Variants in TBC1D17 observed in about 807,000 individuals in gnomAD.
TBC1D17 encodes TBC1 domain family member 17.
Under a neutral mutation model 78.8 loss-of-function variants are expected in TBC1D17, and 69 were observed. The ratio of observed to expected loss-of-function variants is 0.88; its 90% CI spans 0.72 to 1.07. The LOEUF (loss-of-function observed/expected upper bound fraction) is 1.07. Among genes scored for constraint, TBC1D17 ranks in the 50% least tolerant of loss-of-function variants. TBC1D17 has a pLI of 0.00. For missense variants in TBC1D17, 957 were observed against 861.0 expected, an observed-to-expected ratio of 1.11 and a Z score of -1.39; for synonymous variants, 456 against 358.3, an observed-to-expected ratio of 1.27 and a Z score of -3.08.
chr19:49,882,511 G>A (rs1189981257), intron 7 of TBC1D17, 111 bp downstream of exon 7: 13 of 1,487,338 alleles, frequency 8.7e-6, no homozygotes, highest in Non-Finnish European at 1.2e-5. Context: ...ATGGTAATGG[G>A]ACACCCTCAG....
At chr19:49,880,105 G>A (rs1349432054) in intron 3 of TBC1D17, among the ~76,000 whole-genome samples, 174 bp from the exon 4 acceptor site, 5 of 152,056 alleles carry the variant, frequency 3.3e-5, no homozygotes, top group South Asian at 2.1e-4. Flanking sequence ...TGATCCGCCC[G>A]CCTCAGCCTC....
chr19:49,878,583 C>G lies in TBC1D17; in HGVS notation c.195+11C>G, dbSNP rs769432735. 3 of 1,613,656 alleles carry G rather than the reference C, an allele frequency of 1.9e-6. No individual in the cohort carries two copies. Among genetic ancestry groups the G allele is most frequent in the South Asian group, 2.2e-5 (2 of 91,082 alleles). ...CTCTTCTCCAAGAAGGTAGGCTCCA[C>G]CCGCTTTGCCCTTCTCCACTCGCTT... On this transcript the variant is annotated intron_variant, in intron 3 of 16. Transcript: ENST00000221543.
rs769090977 is a variant in TBC1D17, at chr19:49,887,566, T to C, written c.1535T>C (p.Leu512Pro). The change falls in exon 14 of 17, where the codon CTG (leucine) becomes CCG (proline). Residue 512 changes from leucine to proline, a missense_variant. Transcript: ENST00000221543. ...TTCCCCTTCCCGGATGTCCTTCGGC[T>C]GTGGGAGGTGGGCCAGCCAGTTTGG... ...REFPFPDVLR[L>P]WEVLWTGLPG... is the part of the protein sequence containing the mutation. 6.2e-7 allele frequency: 1 copy of C among 1,614,108 alleles called. No individual in the cohort carries two copies. The highest frequency in any genetic ancestry group is 8.5e-7 in the Non-Finnish European group (1 of 1,180,000).
At position 49,884,458 on chromosome 19, in the gene TBC1D17, G is replaced by C. The variant is rs375050509; in HGVS notation, c.1244-1G>C. 1 of 1,613,996 alleles carries C rather than the reference G, an allele frequency of 6.2e-7. No homozygotes were observed. The highest frequency in any genetic ancestry group is 2.2e-5 in the East Asian group (1 of 44,900). On this transcript the variant is annotated splice_acceptor_variant, in intron 11 of 16. Transcript: ENST00000221543. LOFTEE classifies it high-confidence loss of function. ...TGCAGCCTGACCCCATGTCCCCCCA[G>C]GCTACGTCCAGGGCATGAGTGATCT...
Position 49,888,562 on chromosome 19 carries a change from C to G in TBC1D17, c.1885C>G (p.Pro629Ala). The G allele has an allele frequency of 6.5e-7, 1 of 1,536,914 alleles. No individual in the cohort carries two copies. The highest frequency in any genetic ancestry group is 1.2e-5 in the South Asian group (1 of 83,994). The change falls in exon 17 of 17, where the codon CCG (proline) becomes GCG (alanine). Residue 629 changes from proline (P) to alanine (A), a missense_variant. Pro to Ala is a conservative substitution (Grantham distance 27). Coordinates refer to ENST00000221543, the MANE Select transcript of TBC1D17 (RefSeq NM_024682.3). ...CCCGCCGCCCTCCACGGACACAGCC[C>G]CGCAGCCCGACAGCAGCCTGGAGAT... Reference protein sequence around the residue: ...PTPPPSTDTAPQPDSSLEILP... With the variant: ...PTPPPSTDTAAQPDSSLEILP...
rs758221290 is a variant in TBC1D17, at chr19:49,883,690, G to C, written c.1071G>C (p.Val357=). Residue 357 remains valine, a synonymous_variant, in exon 10 of 17, where the codon GTG becomes GTC. Transcript: ENST00000221543. The part of the protein sequence containing the change: ...YFRMKLQWKS[V]SPEQERRNSL... ...GCATGAAGCTGCAGTGGAAATCTGT[G>C]AGCCCTGAGCAGGAGCGGAGAAACT... 8 of 1,613,900 alleles carry C rather than the reference G, an allele frequency of 5.0e-6. No homozygotes were observed. The Admixed American group carries it at 6.7e-5, about 13-fold the overall frequency.
rs1202108746 is a variant in TBC1D17 at position 49,884,544 on chromosome 19, C to T, written c.1329C>T (p.Gly443=). Residue 443 remains glycine, a synonymous_variant, in exon 12 of 17, where the codon GGC becomes GGT. Coordinates refer to ENST00000221543, the MANE Select transcript of TBC1D17 (RefSeq NM_024682.3). ...TGGATGCTTTCTGGTGTTTCTGTGG[C>T]TTCATGGAGCTCGTGGTGAGGCTTG... The part of the protein sequence containing the change: ...NEVDAFWCFC[G]FMELVQGNFE... 6.2e-7 allele frequency: 1 copy of T among 1,614,162 alleles called. No homozygotes were observed. Among genetic ancestry groups the T allele is most frequent in the Admixed American group, 1.7e-5 (1 of 60,026 alleles).
rs1240980929 is a variant in TBC1D17, at chr19:49,881,249, C to T, written c.320-19C>T. On this transcript the variant is annotated intron_variant, in intron 4 of 16. Transcript: ENST00000221543. ...CTGGCTTCCCACGCGCTTCCCCCAA[C>T]ACAGTGCCGTCTCCCTAGGTGCAGA... 1.2e-6 allele frequency: 2 copies of T among 1,607,414 alleles called. No homozygotes were observed. The highest frequency in any genetic ancestry group is 1.7e-6 in the Non-Finnish European group (2 of 1,176,102).
At chr19:49,878,725 C>T (rs532533292) in intron 3 of TBC1D17, 153 bp downstream of exon 3, 4 of 675,222 alleles carry the variant, frequency 5.9e-6, no homozygotes, top group African/African-American at 5.4e-5. Flanking sequence ...TCCTTTTGCT[C>T]CTCTCTGTGA....
intron 1 of TBC1D17, 174 bp from the exon 2 acceptor site, chr19:49,877,969 A>T (rs2074971979): frequency 2.8e-6 from 2 of 717,284 alleles, no homozygotes; most frequent in South Asian, 3.8e-5. Flanking sequence ...CCCCTGTGGA[A>T]CGCACGTCAG....
At position 49,884,305 on chromosome 19, in the gene TBC1D17, G is replaced by T; in HGVS notation, c.1179G>T (p.Glu393Asp). The T allele has an allele frequency of 3.7e-6, 6 of 1,614,038 alleles. No individual in the cohort carries two copies. Among genetic ancestry groups the T allele is most frequent in the Non-Finnish European group, 5.1e-6 (6 of 1,180,028 alleles). Residue 393 changes from glutamate (E) to aspartate (D), a missense_variant, in exon 11 of 17, where the codon GAG (glutamate) becomes GAT (aspartate). Transcript: ENST00000221543. ...CCAACAAGTTCTACGAGGGTCCCGA[G>T]AACCCGGGGCTGGGCCTGCTGAACG... ...DRTNKFYEGP[E>D]NPGLGLLNDI...
rs757302490 is a variant in TBC1D17, at chr19:49,888,408, C to T, written c.1747-16C>T. The T allele has an allele frequency of 5.2e-6, 8 of 1,532,558 alleles. No homozygotes were observed. The highest frequency in any genetic ancestry group is 2.8e-5 in the African/African-American group (2 of 72,076). The allele number at this position is 1,532,558 out of a possible 1,614,324, so 94.9% of individuals were successfully genotyped here. ...TTCACCTTCCGCTTTTCGCTTCTCTCATCCCGTGCCTCCAGGAGCTGCCCC... is the reference window on the plus strand; with the variant it reads ...TTCACCTTCCGCTTTTCGCTTCTCTTATCCCGTGCCTCCAGGAGCTGCCCC... On this transcript the variant is annotated splice_polypyrimidine_tract_variant and intron_variant, in intron 16 of 16. Transcript: ENST00000221543.
At position 49,881,263 on chromosome 19, in the gene TBC1D17, C is replaced by T. The variant is rs753787794; in HGVS notation, c.320-5C>T. ...GCTTCCCCCAACACAGTGCCGTCTC[C>T]CTAGGTGCAGAGCCCAGCTGCCCCC... On this transcript the variant is annotated splice_region_variant and splice_polypyrimidine_tract_variant and intron_variant, in intron 4 of 16. Transcript: ENST00000221543. 8.1e-6 allele frequency: 13 copies of T among 1,611,962 alleles called. No homozygotes were observed. The highest frequency in any genetic ancestry group is 1.1e-5 in the South Asian group (1 of 91,038).
chr19:49,883,866 A>G (rs1056843348), intron 10 of TBC1D17, 121 bp downstream of exon 10: 8 of 823,874 alleles, frequency 9.7e-6, no homozygotes, highest in South Asian at 3.1e-5. Flanking sequence ...GTGAGAGGGC[A>G]TCTTGGGGGA....
intron 3 of TBC1D17, chr19:49,879,168 C>T (rs1220781849): frequency 6.6e-6 from 1 of 152,434 alleles, no homozygotes. Context: ...GGAGAGCAGA[C>T]ATTTGAGCTG....
At position 49,888,325 on chromosome 19, in the gene TBC1D17, C is replaced by T; in HGVS notation, c.1746+8C>T. On this transcript the variant is annotated splice_region_variant and intron_variant, in intron 16 of 16. Coordinates refer to ENST00000221543, the MANE Select transcript of TBC1D17 (RefSeq NM_024682.3). ...CAGCTAACCGCCTGCCCCGTGAGTCCCCGTCCGCCCCGCAGCGCCCCGCCC... is the reference window on the plus strand; with the variant it reads ...CAGCTAACCGCCTGCCCCGTGAGTCTCCGTCCGCCCCGCAGCGCCCCGCCC... The T allele has an allele frequency of 4.5e-6, 7 of 1,560,534 alleles. No individual in the cohort carries two copies. The highest frequency in any genetic ancestry group is 6.1e-6 in the Non-Finnish European group (7 of 1,153,248).
In TBC1D17 at chr19:49,881,101, C is replaced by T. The variant is rs573732747; in HGVS notation, c.320-167C>T. On this transcript the variant is annotated intron_variant, in intron 4 of 16. Coordinates refer to ENST00000221543, the MANE Select transcript of TBC1D17 (RefSeq NM_024682.3). ...GTACATGTCCACTGGGCCCCCTTCC[C>T]ATCTTACTCATTTGTGCTTCCAAGG... Among the ~76,000 whole-genome samples the T allele has an allele frequency of 5.9e-5, 9 of 152,218 alleles. No homozygotes were observed. The South Asian group carries it at 8.3e-4, about 14-fold the overall frequency.
intron 6 of TBC1D17, 34 bp from the exon 7 acceptor site, chr19:49,882,208 G>A: frequency 6.2e-7 from 1 of 1,612,798 alleles, no homozygotes; most frequent in Non-Finnish European, 8.5e-7. Context: ...ACGAGAAGGG[G>A]CGGGCCGTGA....
chr19:49,883,168 C>T, intron 9 of TBC1D17, 92 bp downstream of exon 9: 1 of 1,173,122 alleles, frequency 8.5e-7, no homozygotes. Flanking sequence ...TGGTTGTGAA[C>T]CTGCTGTATC....
Sources: gnomAD v4.1 joint callset for allele counts (sites outside exome capture counted in the v4.1 genomes callset) on GRCh38, gnomAD v4.1.1 for gene constraint, MANE v1.5 for transcripts, NCBI Gene and HGNC (gene_info 2026-07-23, HGNC 2026-07-21) for gene names.